TSHZ2: variants seen among roughly 807,000 people sequenced by gnomAD.
TSHZ2 encodes teashirt homolog 2.
Under a neutral mutation model 74.4 loss-of-function variants are expected in TSHZ2, and 21 were observed. The ratio of observed to expected loss-of-function variants is 0.28; its 90% CI spans 0.20 to 0.41. The LOEUF is 0.41. TSHZ2 is among the 10% of genes least tolerant of loss of function. The pLI, the probability that TSHZ2 is intolerant of heterozygous loss-of-function variation, is 1.00. For synonymous variants in TSHZ2, 540 were observed against 515.3 expected (o/e 1.05, Z -0.65); for missense variants, 1,244 against 1,293.5 (o/e 0.96, Z 0.59).
intron 2 of TSHZ2, among the ~76,000 whole-genome samples, chr20:53,279,276 T>C (rs887811230): frequency 2.0e-5 from 3 of 152,184 alleles, no homozygotes; most frequent in Non-Finnish European, 2.9e-5. Context: ...TATTCAATCT[T>C]CCATTGTAGC....
At chr20:52,997,866 C>CAGGGGA in intron 1 of TSHZ2, among the ~76,000 whole-genome samples, 1 of 146,540 alleles carries the variant, frequency 6.8e-6, no homozygotes, top group Admixed American at 6.7e-5. Flanking sequence ...AACTCCCCTG[C>CAGGGGA]TTTTAGGATA....
intron 1 of TSHZ2, chr20:53,168,798 C>T (rs1264274296): frequency 1.3e-5 from 2 of 152,156 alleles, no homozygotes; most frequent in African/African-American, 2.4e-5. Context: ...TAACTGATGC[C>T]CATCACTTCT....
chr20:53,193,932 G>A (rs1253746551), intron 1 of TSHZ2, among the ~76,000 whole-genome samples: 1 of 152,182 alleles, frequency 6.6e-6, no homozygotes, highest in Non-Finnish European at 1.5e-5. Flanking sequence ...AGTGGACAAC[G>A]GGGAGGTTCT....
At chr20:53,073,418 C>T (rs1985259830) in intron 1 of TSHZ2, among the ~76,000 whole-genome samples, 1 of 151,618 alleles carries the variant, frequency 6.6e-6, no homozygotes, top group African/African-American at 2.4e-5. Context: ...CCCTCCATTC[C>T]TTCATTCATC....
At chr20:53,008,791 A>T (rs934482261) in intron 1 of TSHZ2, among the ~76,000 whole-genome samples, 1 of 152,154 alleles carries the variant, frequency 6.6e-6, no homozygotes, top group Admixed American at 6.5e-5. Flanking sequence ...AATACATTCC[A>T]AGACCTCCAG....
chr20:53,322,784 G>T (rs534907924), intron 2 of TSHZ2, among the ~76,000 whole-genome samples: 5 of 152,292 alleles, frequency 3.3e-5, no homozygotes, highest in African/African-American at 1.2e-4. Flanking sequence ...CATCTTCTTG[G>T]CAAGAAGGCA....
In TSHZ2 at chr20:53,065,737, T is replaced by C. The variant is rs145659958; in HGVS notation, c.40+92404T>C. ...ACTACCATGAAGAGTGGCTTTGTGC[T>C]GCAGACGTGAATATATAGGTCTCTA... On this transcript the variant is annotated intron_variant, in intron 1 of 2. Transcript: ENST00000371497. Among the ~76,000 whole-genome samples the C allele has an allele frequency of 2.8e-4, 42 of 152,364 alleles. No individual in the cohort carries two copies. The East Asian group carries it at 8.1e-3, about 29-fold the overall frequency.
intron 2 of TSHZ2, among the ~76,000 whole-genome samples, chr20:53,311,570 T>A (rs1339105338): frequency 6.6e-6 from 1 of 152,224 alleles, no homozygotes; most frequent in Admixed American, 6.5e-5. Context: ...CAGTGAATTT[T>A]TGCAGACTGT....
At chr20:53,275,787 C>T (rs749491436) in intron 2 of TSHZ2, among the ~76,000 whole-genome samples, 26 of 152,168 alleles carry the variant, frequency 1.7e-4, no homozygotes, top group East Asian at 3.9e-4. Context: ...ATTAGCCAGG[C>T]GCGGTGGCAC....
intron 2 of TSHZ2, among the ~76,000 whole-genome samples, chr20:53,421,932 C>T (rs1055085717): frequency 4.6e-5 from 7 of 152,058 alleles, no homozygotes; most frequent in Middle Eastern, 3.4e-3. Context: ...CCACCCGCCT[C>T]GGCCTCCCAA....
chr20:53,388,342 G>A (rs2145652935), intron 2 of TSHZ2, among the ~76,000 whole-genome samples: 1 of 152,248 alleles, frequency 6.6e-6, no homozygotes, highest in Admixed American at 6.5e-5. Flanking sequence ...ACAAATTATT[G>A]GGTATTCGCT....
At chr20:53,083,680 C>CAA (rs1985604113) in intron 1 of TSHZ2, among the ~76,000 whole-genome samples, 2 of 152,328 alleles carry the variant, frequency 1.3e-5, no homozygotes, top group African/African-American at 4.8e-5. Context: ...ATTGAAGTAT[C>CAA]AGTTTCCTCA....
At chr20:53,162,706 A>G (rs972881161) in intron 1 of TSHZ2, among the ~76,000 whole-genome samples, 11 of 152,188 alleles carry the variant, frequency 7.2e-5, no homozygotes, top group African/African-American at 2.7e-4. Context: ...AGGAGGGGCT[A>G]TGCTCCAGGA....
At chr20:53,375,420 G>T (rs970376838) in intron 2 of TSHZ2, among the ~76,000 whole-genome samples, 2 of 152,198 alleles carry the variant, frequency 1.3e-5, no homozygotes, top group African/African-American at 4.8e-5. Context: ...GATGTGAGGG[G>T]TGATATGAGT....
chr20:53,036,951 T>A (rs1381722299), intron 1 of TSHZ2, among the ~76,000 whole-genome samples: 3 of 151,982 alleles, frequency 2.0e-5, no homozygotes, highest in Admixed American at 1.3e-4. Flanking sequence ...CATTAAATAT[T>A]CCTTTACATT....
intron 2 of TSHZ2, among the ~76,000 whole-genome samples, chr20:53,335,215 G>A (rs1398679612): frequency 2.6e-5 from 4 of 152,226 alleles, no homozygotes; most frequent in Non-Finnish European, 5.9e-5. Context: ...CAGAAACTCT[G>A]AGGATGGAGC....
At chr20:53,033,454 A>G (rs1364209894) in intron 1 of TSHZ2, among the ~76,000 whole-genome samples, 1 of 152,096 alleles carries the variant, frequency 6.6e-6, no homozygotes, top group African/African-American at 2.4e-5. Context: ...AAGTCACTTA[A>G]TCACTCTGGG....
rs191040923 is a variant in TSHZ2 at position 53,403,007 on chromosome 20, C to T, written c.*9-84137C>T. ...GGATTGTTACCTGGGTATATTGGAC[C>T]AAGGTAGTGGACGCAGTACCCAACA... is the stretch of plus-strand genomic sequence containing the variant. On this transcript the variant is annotated intron_variant, in intron 2 of 2. Coordinates refer to ENST00000371497, the MANE Select transcript of TSHZ2 (RefSeq NM_173485.6). 1.1e-3 allele frequency among the ~76,000 whole-genome samples: 172 copies of T among 152,222 alleles called. 1 individual carries two copies. Among genetic ancestry groups the T allele is most frequent in the African/African-American group, 4.0e-3 (167 of 41,532 alleles).
At chr20:53,057,416 G>GAA (rs1193845328) in intron 1 of TSHZ2, among the ~76,000 whole-genome samples, 7 of 140,066 alleles carry the variant, frequency 5.0e-5, no homozygotes, top group African/African-American at 1.8e-4. Context: ...TTTCCCAGAC[G>GAA]CCCTACAACC....
Sources: gnomAD v4.1 joint callset for allele counts (sites outside exome capture counted in the v4.1 genomes callset) on GRCh38, gnomAD v4.1.1 for gene constraint, MANE v1.5 for transcripts, NCBI Gene and HGNC (gene_info 2026-07-23, HGNC 2026-07-21) for gene names.